Variants in MBNL3 observed in about 807,000 individuals in gnomAD.
The protein encoded by MBNL3 is muscleblind-like protein 3.
In MBNL3, 6 loss-of-function variants were observed where a neutral mutation model predicts 24.5. The observed-to-expected ratio is 0.25, with a 90% CI of 0.13 to 0.48. MBNL3 has a LOEUF of 0.48. Ranked by LOEUF, MBNL3 falls within the 20% of genes least tolerant of loss-of-function variation. MBNL3 has a pLI of 0.99. For missense variants in MBNL3, 230 were observed against 293.5 expected (o/e 0.78, Z 1.58); for synonymous variants, 100 against 101.7 (o/e 0.98, Z 0.10).
At chrX:132,416,281 A>G (rs1374540947) in intron 2 of MBNL3, among the ~76,000 whole-genome samples, 1 of 112,036 alleles carries the variant, frequency 8.9e-6, no homozygotes, top group African/African-American at 3.2e-5. Context: ...ACATTATGTT[A>G]AGTGAAATAC....
chrX:132,390,624 T>G (rs1937034415), intron 5 of MBNL3, among the ~76,000 whole-genome samples: 1 of 111,801 alleles, frequency 8.9e-6, no homozygotes, highest in African/African-American at 3.3e-5. Flanking sequence ...AAGAGCACAG[T>G]AGGTTAAAAG....
chrX:132,485,100 C>T (rs1049023890), intron 1 of MBNL3, among the ~76,000 whole-genome samples: 14 of 111,723 alleles, frequency 1.3e-4, no homozygotes, highest in African/African-American at 4.5e-4. Flanking sequence ...CTCAGAGTGA[C>T]ATCACTATAT....
chrX:132,391,925 T>A (rs1387223989), intron 4 of MBNL3, among the ~76,000 whole-genome samples: 2 of 112,039 alleles, frequency 1.8e-5, no homozygotes, highest in Non-Finnish European at 3.8e-5. Flanking sequence ...GCACAGTCTA[T>A]GGCTGGGTAC....
At chrX:132,442,144 G>T (rs1406632469) in intron 1 of MBNL3, among the ~76,000 whole-genome samples, 1 of 111,304 alleles carries the variant, frequency 9.0e-6, no homozygotes, top group Non-Finnish European at 1.9e-5. Context: ...CTCCTTTAGG[G>T]GGTGATGAAA....
intron 1 of MBNL3, among the ~76,000 whole-genome samples, chrX:132,445,298 T>A (rs976048343): frequency 2.7e-5 from 3 of 111,109 alleles, no homozygotes; most frequent in Non-Finnish European, 5.7e-5. Flanking sequence ...TTTTCAAATT[T>A]GCTTCAAGTT....
Position 132,459,491 on chromosome X carries a change from A to G in MBNL3, c.-703-19177T>C, listed in dbSNP as rs141916942. Among the ~76,000 whole-genome samples, 18 of 111,900 alleles carry G rather than the reference A, an allele frequency of 1.6e-4. No homozygotes were observed. In the East Asian group the frequency reaches 5.1e-3, roughly 31 times the overall value. On this transcript the variant is annotated intron_variant, in intron 1 of 8. Transcript: ENST00000370853. ...TTCTGCGAGAGCCAGCTTTTGATTT[A>G]CACCAAGTAAAAGGGATCAATGGGT...
intron 1 of MBNL3, among the ~76,000 whole-genome samples, chrX:132,454,405 GT>G (rs2148481878): frequency 8.9e-6 from 1 of 112,106 alleles, no homozygotes; most frequent in South Asian, 3.7e-4. Flanking sequence ...ATATAATGTC[GT>G]AAAGGGATTC....
At chrX:132,450,296 C>T (rs888851441) in intron 1 of MBNL3, among the ~76,000 whole-genome samples, 1 of 111,736 alleles carries the variant, frequency 8.9e-6, no homozygotes, top group Non-Finnish European at 1.9e-5. Context: ...CTTTCAGTTA[C>T]ACAAATCAAA....
chrX:132,445,089 A>G (rs190896184), intron 1 of MBNL3, among the ~76,000 whole-genome samples: 1 of 112,011 alleles, frequency 8.9e-6, no homozygotes, highest in Non-Finnish European at 1.9e-5. Flanking sequence ...ATCACTAAAG[A>G]GGTCTTCCTT....
chrX:132,458,812 C>A (rs1327320388), intron 1 of MBNL3, among the ~76,000 whole-genome samples: 6 of 109,014 alleles, frequency 5.5e-5, no homozygotes, highest in Non-Finnish European at 9.5e-5. Flanking sequence ...GTTTCTCAGG[C>A]CTCTTCCCAC....
intron 1 of MBNL3, among the ~76,000 whole-genome samples, chrX:132,468,517 T>C (rs183044068): frequency 1.3e-3 from 145 of 112,725 alleles, no homozygotes; most frequent in Non-Finnish European, 1.6e-3. Context: ...TTCAGTTGAA[T>C]TGAAAATATA....
chrX:132,439,740 G>C lies in MBNL3; in HGVS notation c.-129C>G, dbSNP rs1945307687. ...GGTTGCTTTGGTGAAATGTCTATTT[G>C]TTAACACTTAGGTTTTCATTAAAGT... On this transcript the variant is annotated 5_prime_UTR_variant, in exon 2 of 9. Coordinates refer to ENST00000370853, the MANE Select transcript of MBNL3 (RefSeq NM_001386889.1). The C allele has an allele frequency of 1.0e-6, 1 of 974,101 alleles. No homozygotes were observed. 80.3% of individuals were successfully genotyped at this position (974,101 alleles called of 1,213,427 possible).
chrX:132,454,237 A>G (rs1010024612), intron 1 of MBNL3, among the ~76,000 whole-genome samples: 1 of 109,660 alleles, frequency 9.1e-6, no homozygotes, highest in African/African-American at 3.3e-5. Context: ...ACACACACAC[A>G]CACACACACA....
intron 1 of MBNL3, among the ~76,000 whole-genome samples, chrX:132,447,579 T>C (rs1397255931): frequency 8.9e-6 from 1 of 112,089 alleles, no homozygotes; most frequent in Non-Finnish European, 1.9e-5. Context: ...ATAGGAATGC[T>C]TGTGATTTTT....
At position 132,376,717 on chromosome X, in the gene MBNL3, G is replaced by GACTT. The variant is rs1934180706; in HGVS notation, c.*2945_*2948dup. 1 of 111,577 alleles carries GACTT rather than the reference G, an allele frequency of 9.0e-6. No homozygotes were observed. The highest frequency in any genetic ancestry group is 3.2e-5 in the African/African-American group (1 of 30,804). The allele number at this position is 111,577 out of a possible 1,213,427, so 9.2% of individuals were successfully genotyped here. A position where few individuals can be genotyped will look rare whatever the true frequency, so the allele number is the denominator to read the frequency against. ...TTTAAATGGAAATTTATAGTCTAAT[G>GACTT]ACTTATCTTTCTTCTTTTCTCTTTT... On this transcript the variant is annotated 3_prime_UTR_variant, in exon 9 of 9. Transcript: ENST00000370853.
chrX:132,397,715 A>G (rs1940054220), intron 3 of MBNL3, among the ~76,000 whole-genome samples: 1 of 111,522 alleles, frequency 9.0e-6, no homozygotes. Context: ...GCATATTTCT[A>G]TCTTTAGATA....
In MBNL3 at chrX:132,379,096, TTC is replaced by T. The variant is rs1286580388; in HGVS notation, c.*568_*569del. On this transcript the variant is annotated 3_prime_UTR_variant, in exon 9 of 9. Transcript: ENST00000370853. ...CTGTCATGTTCTTAAGCACATATAC[TTC>T]TGTTCCCCACTAATAACACTTTAGT... 1 of 112,293 alleles carries T rather than the reference TTC, an allele frequency of 8.9e-6. No individual in the cohort carries two copies. The highest frequency in any genetic ancestry group is 3.2e-5 in the African/African-American group (1 of 30,880). The allele number at this position is 112,293 out of a possible 1,213,427, so 9.3% of individuals were successfully genotyped here. A position where few individuals can be genotyped will look rare whatever the true frequency, so the allele number is the denominator to read the frequency against.
chrX:132,473,750 G>C (rs1292181566), intron 1 of MBNL3, among the ~76,000 whole-genome samples: 1 of 111,697 alleles, frequency 9.0e-6, no homozygotes, highest in Admixed American at 9.5e-5. Context: ...ATTCCACCTA[G>C]TATATCTTTT....
intron 2 of MBNL3, among the ~76,000 whole-genome samples, chrX:132,415,878 A>T: frequency 8.9e-6 from 1 of 111,853 alleles, no homozygotes; most frequent in East Asian, 2.8e-4. Flanking sequence ...ACATTTCATC[A>T]CCAAAAGTTC....
Sources: gnomAD v4.1 joint callset for allele counts (sites outside exome capture counted in the v4.1 genomes callset) on GRCh38, gnomAD v4.1.1 for gene constraint, MANE v1.5 for transcripts, NCBI Gene and HGNC (gene_info 2026-07-23, HGNC 2026-07-21) for gene names.